RAI14: variants seen among roughly 807,000 people sequenced by gnomAD.
The protein encoded by RAI14 is retinoic acid induced 14, also known as ankycorbin.
Under a neutral mutation model 115.4 loss-of-function variants are expected in RAI14, and 45 were observed. The ratio of observed to expected loss-of-function variants is 0.39; its 90% CI spans 0.31 to 0.50. The LOEUF is 0.50. Among genes scored for constraint, RAI14 ranks in the 20% least tolerant of loss-of-function variants. The pLI, the probability that RAI14 is intolerant of heterozygous loss-of-function variation, is 0.85. For missense variants in RAI14, 939 were observed against 1,131.2 expected, an observed-to-expected ratio of 0.83 and a Z score of 2.44; for synonymous variants, 371 against 415.4, an observed-to-expected ratio of 0.89 and a Z score of 1.30.
chr5:34,827,027 T>C lies in RAI14; in HGVS notation c.2799+548T>C, dbSNP rs1757520650. ...GCATTGAACTGAATTCCAAAATCAC[T>C]TTCACTGGACTAACTTCAAGTTGTT... is the stretch of plus-strand genomic sequence containing the variant. On this transcript the variant is annotated intron_variant, in intron 16 of 17. Transcript: ENST00000265109. The surrounding 1 kb of genome is among the most constrained non-coding windows in gnomAD (Gnocchi z 4.2). Among the ~76,000 whole-genome samples, 1 of 152,226 alleles carries C rather than the reference T, an allele frequency of 6.6e-6. No individual in the cohort carries two copies. Among genetic ancestry groups the C allele is most frequent in the African/African-American group, 2.4e-5 (1 of 41,442 alleles).
At chr5:34,737,601 ATT>A in intron 2 of RAI14, among the ~76,000 whole-genome samples, 2 of 151,310 alleles carry the variant, frequency 1.3e-5, no homozygotes, top group Non-Finnish European at 2.9e-5. Flanking sequence ...AAAAAAAAAA[ATT>A]TAAAAATTAG....
chr5:34,688,249 G>A (rs1337769113), intron 2 of RAI14: 2 of 1,548,858 alleles, frequency 1.3e-6, no homozygotes, highest in South Asian at 2.4e-5. Context: ...GGAGAAAAAG[G>A]CAATTAAATG....
intron 2 of RAI14, among the ~76,000 whole-genome samples, chr5:34,718,857 G>T (rs1368522285): frequency 6.6e-6 from 1 of 152,174 alleles, no homozygotes; most frequent in Non-Finnish European, 1.5e-5. Flanking sequence ...GCGCAGGAAA[G>T]GTGGCACTTA....
At chr5:34,829,698 A>G (rs367742969) in intron 16 of RAI14, 34 bp from the exon 17 acceptor site, 14 of 1,563,250 alleles carry the variant, frequency 9.0e-6, no homozygotes, top group Non-Finnish European at 1.2e-5. Flanking sequence ...AGATCTCTTA[A>G]GCTCATTAAT....
chr5:34,744,140 T>C (rs1745878216), intron 2 of RAI14, among the ~76,000 whole-genome samples: 1 of 152,242 alleles, frequency 6.6e-6, no homozygotes, highest in South Asian at 2.1e-4. Context: ...TTTTGGAGTG[T>C]CCTTGGATAA....
intron 3 of RAI14, among the ~76,000 whole-genome samples, chr5:34,787,216 G>A (rs1275890520): frequency 6.6e-6 from 1 of 152,178 alleles, no homozygotes; most frequent in Admixed American, 6.5e-5. Context: ...TTGGGGGCCT[G>A]TTCCCAACAG....
intron 3 of RAI14, among the ~76,000 whole-genome samples, chr5:34,793,360 C>T (rs1753149213): frequency 6.6e-6 from 1 of 152,112 alleles, no homozygotes; most frequent in Non-Finnish European, 1.5e-5. Flanking sequence ...TCTGCAGTTC[C>T]AGCCACCCAT....
At chr5:34,660,913 G>T (rs978779240) in intron 1 of RAI14, among the ~76,000 whole-genome samples, 1 of 152,026 alleles carries the variant, frequency 6.6e-6, no homozygotes, top group African/African-American at 2.4e-5. Context: ...TACCTGGAAA[G>T]CACTTCTCTT....
At chr5:34,745,669 G>T (rs953560913) in intron 2 of RAI14, among the ~76,000 whole-genome samples, 1 of 152,102 alleles carries the variant, frequency 6.6e-6, no homozygotes, top group Non-Finnish European at 1.5e-5. Flanking sequence ...CATCCTACCC[G>T]ATGCCTCCAG....
chr5:34,674,973 T>A (rs1395801956), intron 1 of RAI14, among the ~76,000 whole-genome samples: 1 of 151,364 alleles, frequency 6.6e-6, no homozygotes, highest in Non-Finnish European at 1.5e-5. Flanking sequence ...CTCAGCTCAC[T>A]GCAACCTCCA....
chr5:34,757,281 T>G (rs1412160173), intron 2 of RAI14, 187 bp from the exon 3 acceptor site: 2 of 680,336 alleles, frequency 2.9e-6, no homozygotes, highest in South Asian at 3.0e-5. Flanking sequence ...TTATGTTTTC[T>G]TTTGGGAAAG....
At chr5:34,732,527 C>G (rs1036707017) in intron 2 of RAI14, among the ~76,000 whole-genome samples, 5 of 150,706 alleles carry the variant, frequency 3.3e-5, no homozygotes, top group African/African-American at 1.2e-4. Context: ...CACCCTCTGC[C>G]TCCCGGGTTC....
intron 1 of RAI14, among the ~76,000 whole-genome samples, chr5:34,666,375 T>C (rs1001087739): frequency 1.3e-5 from 2 of 151,892 alleles, no homozygotes; most frequent in Non-Finnish European, 2.9e-5. Context: ...GGTAGGCCTT[T>C]GGCTGCTCAG....
chr5:34,742,518 G>C (rs1745635824), intron 2 of RAI14, among the ~76,000 whole-genome samples: 1 of 151,978 alleles, frequency 6.6e-6, no homozygotes, highest in South Asian at 2.1e-4. Context: ...GTAAACAATT[G>C]CTTTTTTTTT....
At chr5:34,774,043 C>T (rs1440746404) in intron 3 of RAI14, among the ~76,000 whole-genome samples, 1 of 152,120 alleles carries the variant, frequency 6.6e-6, no homozygotes, top group Non-Finnish European at 1.5e-5. Context: ...AAAGACTCCA[C>T]CACAAAACTA....
intron 3 of RAI14, among the ~76,000 whole-genome samples, chr5:34,794,308 A>G (rs376836178): frequency 1.7e-3 from 251 of 150,712 alleles, no homozygotes; most frequent in African/African-American, 6.0e-3. Flanking sequence ...CTGTAATCCC[A>G]GCTATTCAGT....
At chr5:34,824,946 CAAAAAAAAAAA>C (rs1174399473) in intron 15 of RAI14, among the ~76,000 whole-genome samples, 6 of 66,554 alleles carry the variant, frequency 9.0e-5, no homozygotes, top group East Asian at 4.4e-4. Flanking sequence ...GACTTCATCT[CAAAAAAAAAAA>C]AAAAAAAAAA....
intron 2 of RAI14, among the ~76,000 whole-genome samples, chr5:34,723,713 TAAC>T (rs1323276676): frequency 1.3e-5 from 2 of 151,522 alleles, no homozygotes; most frequent in Admixed American, 6.5e-5. Flanking sequence ...TGTTAAATGT[TAAC>T]AATGTGTTTT....
chr5:34,776,803 T>TCAAAACAAACAAACAAACA (rs1279080501), intron 3 of RAI14, among the ~76,000 whole-genome samples: 1 of 144,874 alleles, frequency 6.9e-6, no homozygotes, highest in African/African-American at 2.5e-5. Context: ...TGAGACCCTT[T>TCAAAACAAACAAACAAACA]ATTAAAAAAA....
Sources: gnomAD v4.1 joint callset for allele counts (sites outside exome capture counted in the v4.1 genomes callset) on GRCh38, gnomAD v4.1.1 for gene constraint, Gnocchi (gnomAD v3.1) non-coding constraint, MANE v1.5 for transcripts, NCBI Gene and HGNC (gene_info 2026-07-23, HGNC 2026-07-21) for gene names.